PAX5: variants seen among roughly 807,000 people sequenced by gnomAD.
PAX5 encodes paired box 5, also known as paired box protein Pax-5.
A neutral mutation model predicts 43.7 loss-of-function variants in PAX5; 9 were observed. That is an observed-to-expected ratio of 0.21 (90% CI 0.12 to 0.36). PAX5 has a LOEUF of 0.36. PAX5 is among the 10% of genes least tolerant of loss of function. PAX5 has a pLI of 1.00. For missense variants in PAX5, 383 were observed against 532.7 expected (o/e 0.72, Z 2.77); for synonymous variants, 228 against 214.3 (o/e 1.06, Z -0.56).
intron 6 of PAX5, among the ~76,000 whole-genome samples, chr9:36,965,204 C>T (rs919435642): frequency 3.9e-5 from 6 of 152,126 alleles, no homozygotes; most frequent in Admixed American, 1.3e-4. Context: ...TAGCACCAAG[C>T]GCACCTGTAA....
chr9:36,942,327 A>T (rs1045839196), intron 6 of PAX5, among the ~76,000 whole-genome samples: 34 of 152,260 alleles, frequency 2.2e-4, no homozygotes, highest in Non-Finnish European at 1.0e-4. Flanking sequence ...GGTCTCAGGA[A>T]AAGCAACACT....
intron 8 of PAX5, among the ~76,000 whole-genome samples, chr9:36,859,112 AT>A: frequency 6.6e-6 from 1 of 152,104 alleles, no homozygotes; most frequent in East Asian, 1.9e-4. Flanking sequence ...AGAGGCCCCG[AT>A]TTCCCCTGCA....
chr9:36,998,768 T>C (rs1023361595), intron 5 of PAX5, among the ~76,000 whole-genome samples: 10 of 152,316 alleles, frequency 6.6e-5, no homozygotes, highest in African/African-American at 1.9e-4. Flanking sequence ...CGCATCCAAA[T>C]TGAGATGTAC....
chr9:36,944,811 G>A (rs984569064), intron 6 of PAX5, among the ~76,000 whole-genome samples: 3 of 152,204 alleles, frequency 2.0e-5, no homozygotes, highest in Admixed American at 2.0e-4. Flanking sequence ...GCTTTATCCG[G>A]TAATGATTTT....
At chr9:36,955,783 ATATAT>A (rs1374568981) in intron 6 of PAX5, among the ~76,000 whole-genome samples, 3 of 124,818 alleles carry the variant, frequency 2.4e-5, no homozygotes, top group East Asian at 2.2e-4. Context: ...AAAAAAAAAA[ATATAT>A]ATATATATAT....
intron 5 of PAX5, among the ~76,000 whole-genome samples, chr9:36,983,062 T>C (rs577514217): frequency 6.6e-6 from 1 of 152,310 alleles, no homozygotes; most frequent in South Asian, 2.1e-4. Flanking sequence ...CACACATCTT[T>C]GGAATGACCC....
At chr9:36,858,793 G>A (rs1004578225) in intron 8 of PAX5, among the ~76,000 whole-genome samples, 2 of 152,032 alleles carry the variant, frequency 1.3e-5, no homozygotes, top group African/African-American at 4.8e-5. Flanking sequence ...CCCAGACCTT[G>A]GCCTGTCCCT....
At chr9:36,975,936 G>T (rs1259945686) in intron 5 of PAX5, among the ~76,000 whole-genome samples, 1 of 152,186 alleles carries the variant, frequency 6.6e-6, no homozygotes, top group African/African-American at 2.4e-5. Context: ...GCTAATGAAT[G>T]TTTGTTGACT....
chr9:36,883,019 A>G (rs1430136278), intron 7 of PAX5, among the ~76,000 whole-genome samples: 1 of 152,248 alleles, frequency 6.6e-6, no homozygotes, highest in Admixed American at 6.5e-5. Context: ...GATGGGGGGC[A>G]TTAGCCCAGT....
intron 6 of PAX5, among the ~76,000 whole-genome samples, chr9:36,960,853 T>C (rs1262066637): frequency 1.3e-5 from 2 of 152,218 alleles, no homozygotes; most frequent in African/African-American, 4.8e-5. Context: ...GTCCTTTGCC[T>C]GTGCTGCTCC....
Position 36,938,772 on chromosome 9 carries a change from G to A in PAX5, c.781-15288C>T, listed in dbSNP as rs373347791. Among the ~76,000 whole-genome samples the A allele has an allele frequency of 2.5e-4, 38 of 152,308 alleles. No homozygotes were observed. In the South Asian group the frequency reaches 7.0e-3, roughly 28 times the overall value. On this transcript the variant is annotated intron_variant, in intron 6 of 9. Transcript: ENST00000358127. ...CACAAAGAGAAAAATCGTACCATCC[G>A]ACATGGTTGGGAGAGTTTAATCCAA...
intron 8 of PAX5, among the ~76,000 whole-genome samples, chr9:36,862,527 C>A (rs1184324473): frequency 6.6e-6 from 1 of 152,106 alleles, no homozygotes; most frequent in African/African-American, 2.4e-5. Flanking sequence ...CCAACAGCAG[C>A]GATTTGAGAG....
intron 8 of PAX5, among the ~76,000 whole-genome samples, chr9:36,866,779 C>T (rs1824928695): frequency 6.6e-6 from 1 of 152,100 alleles, no homozygotes; most frequent in Non-Finnish European, 1.5e-5. Context: ...TCTGCACAGC[C>T]CTGGGTTGAT....
intron 8 of PAX5, among the ~76,000 whole-genome samples, chr9:36,875,696 C>CT (rs1430498364): frequency 6.6e-6 from 1 of 152,116 alleles, no homozygotes; most frequent in East Asian, 1.9e-4. Flanking sequence ...CCAAGGGAAA[C>CT]ACAGAGCTCT....
intron 7 of PAX5, among the ~76,000 whole-genome samples, chr9:36,918,392 G>A (rs1243518356): frequency 6.6e-6 from 1 of 152,224 alleles, no homozygotes; most frequent in Non-Finnish European, 1.5e-5. Flanking sequence ...GATGGGCATG[G>A]TGGCTTACAC....
chr9:36,889,807 C>T (rs749290665), intron 7 of PAX5, among the ~76,000 whole-genome samples: 6 of 152,174 alleles, frequency 3.9e-5, no homozygotes, highest in Non-Finnish European at 8.8e-5. Context: ...TTCGCATCAG[C>T]GTCTCAGAAA....
At chr9:37,009,023 G>T (rs1370849964) in intron 3 of PAX5, among the ~76,000 whole-genome samples, 1 of 152,188 alleles carries the variant, frequency 6.6e-6, no homozygotes, top group Non-Finnish European at 1.5e-5. Flanking sequence ...CATAAATATA[G>T]TTACAAATAA....
chr9:37,009,790 C>G (rs1349756497), intron 3 of PAX5, among the ~76,000 whole-genome samples: 1 of 81,268 alleles, frequency 1.2e-5, no homozygotes, highest in Non-Finnish European at 2.4e-5. Context: ...ATCTCATGTA[C>G]TCATAAATAT....
chr9:37,000,324 C>T (rs539413360), intron 5 of PAX5, among the ~76,000 whole-genome samples: 2 of 152,156 alleles, frequency 1.3e-5, no homozygotes, highest in Non-Finnish European at 2.9e-5. Context: ...GTTTGTCCCC[C>T]ACTCTTTCCA....
Sources: gnomAD v4.1 joint callset for allele counts (sites outside exome capture counted in the v4.1 genomes callset) on GRCh38, gnomAD v4.1.1 for gene constraint, MANE v1.5 for transcripts, NCBI Gene and HGNC (gene_info 2026-07-23, HGNC 2026-07-21) for gene names.